The following GCN1 variants were observed in gnomAD, a reference collection of about 807,000 sequenced individuals.
The protein encoded by GCN1 is stalled ribosome sensor GCN1.
A neutral mutation model predicts 288.4 loss-of-function variants in GCN1; 90 were observed. The ratio of observed to expected loss-of-function variants is 0.31; its 90% CI spans 0.26 to 0.37. The LOEUF is 0.37. Among genes scored for constraint, GCN1 ranks in the 10% least tolerant of loss-of-function variants. GCN1 has a pLI of 1.00. For missense variants in GCN1, 2,586 were observed against 3,419.9 expected, an observed-to-expected ratio of 0.76 and a Z score of 6.08; for synonymous variants, 1,386 against 1,420.2, an observed-to-expected ratio of 0.98 and a Z score of 0.54.
Position 120,184,176 on chromosome 12 carries a change from T to C in GCN1, c.253A>G (p.Thr85Ala). The change falls in exon 4 of 58, where the codon ACT becomes GCT. Residue 85 changes from threonine (T) to alanine (A), a missense_variant. By Grantham distance (58) the Thr-to-Ala change is moderately conservative. Transcript: ENST00000300648. ...QQLAEAQPEATAKNLLHSLQS... is the reference protein window; with the variant it reads ...QQLAEAQPEAAAKNLLHSLQS... ...AGAGAGTGTAGAAGGTTCTTAGCAG[T>C]GGCTTCTGGCTGGGCCTCAGCCAAC... 1 of 1,613,676 alleles carries C rather than the reference T, an allele frequency of 6.2e-7. No homozygotes were observed. The highest frequency in any genetic ancestry group is 8.5e-7 in the Non-Finnish European group (1 of 1,179,594).
Position 120,131,180 on chromosome 12 carries a change from C to A in GCN1, c.7563+5G>T, listed in dbSNP as rs1350785128. On this transcript the variant is annotated splice_donor_5th_base_variant and intron_variant, in intron 55 of 57. Coordinates refer to ENST00000300648, the MANE Select transcript of GCN1 (RefSeq NM_006836.2). ...TGCCTATGGGATATGGCCCGAATGCCTTACCCTGTCCGCCGTGGCACTGCT... is the reference window on the plus strand; with the variant it reads ...TGCCTATGGGATATGGCCCGAATGCATTACCCTGTCCGCCGTGGCACTGCT... 1 of 1,614,018 alleles carries A rather than the reference C, an allele frequency of 6.2e-7. No individual in the cohort carries two copies. The highest frequency in any genetic ancestry group is 8.5e-7 in the Non-Finnish European group (1 of 1,179,868).
intron 51 of GCN1, among the ~76,000 whole-genome samples, chr12:120,135,802 T>C (rs1203269435): frequency 6.6e-6 from 1 of 152,036 alleles, no homozygotes; most frequent in East Asian, 1.9e-4. Flanking sequence ...AAATCTGAGC[T>C]GTGCGAGGTC....
Position 120,177,571 on chromosome 12 carries a change from A to G in GCN1, c.730-16T>C, listed in dbSNP as rs1420474041. On this transcript the variant is annotated splice_polypyrimidine_tract_variant and intron_variant, in intron 8 of 57. Coordinates refer to ENST00000300648, the MANE Select transcript of GCN1 (RefSeq NM_006836.2). ...CACAGCTATCCTACAAAGAAAAAGG[A>G]ATAAGGCACCTAGCCCTCATGGGAA... is the stretch of plus-strand genomic sequence containing the variant. 1.3e-6 allele frequency: 2 copies of G among 1,575,162 alleles called. No individual in the cohort carries two copies. Among genetic ancestry groups the G allele is most frequent in the Non-Finnish European group, 1.7e-6 (2 of 1,144,618 alleles).
At position 120,183,691 on chromosome 12, in the gene GCN1, T is replaced by A. The variant is rs770407627; in HGVS notation, c.318-14A>T. 1 of 1,522,872 alleles carries A rather than the reference T, an allele frequency of 6.6e-7. No individual in the cohort carries two copies. The highest frequency in any genetic ancestry group is 1.1e-5 in the South Asian group (1 of 89,196). The allele number at this position is 1,522,872 out of a possible 1,614,324, so 94.3% of individuals were successfully genotyped here. ...CCACTGCTCTTACTGCAGAGCAGAG[T>A]TGGGGATGAGTTCAGAGCAGCAGCC... On this transcript the variant is annotated splice_polypyrimidine_tract_variant and intron_variant, in intron 4 of 57. Coordinates refer to ENST00000300648, the MANE Select transcript of GCN1 (RefSeq NM_006836.2).
chr12:120,170,829 G>C (rs1878290319), intron 14 of GCN1, among the ~76,000 whole-genome samples: 1 of 151,328 alleles, frequency 6.6e-6, no homozygotes, highest in African/African-American at 2.4e-5. Flanking sequence ...TTCTAAATTT[G>C]GGTCCAAATC....
At chr12:120,147,294 A>G (rs770160476) in intron 37 of GCN1, 22 bp from the exon 38 acceptor site, 1 of 1,446,312 alleles carries the variant, frequency 6.9e-7, no homozygotes, top group Non-Finnish European at 9.6e-7. Context: ...AAGAGAAGAG[A>G]GCTGGATGAT....
rs1256359337 is a variant in GCN1 at position 120,164,670 on chromosome 12, T to C, written c.1664A>G (p.His555Arg). The change falls in exon 17 of 58, where the codon CAT (histidine) becomes CGT (arginine). Residue 555 changes from histidine to arginine, a missense_variant. Physicochemically the swap from His to Arg is conservative, Grantham distance 29. Transcript: ENST00000300648. ...LTERLFLDHPHRLTGNKVQQY... is the reference protein window; with the variant it reads ...LTERLFLDHPRRLTGNKVQQY... ...CTGAACTTTGTTGCCAGTGAGTCTA[T>C]GCGGGTGGTCAAGGAAAAGTCTCTC... 1 of 1,613,784 alleles carries C rather than the reference T, an allele frequency of 6.2e-7. No homozygotes were observed. The highest frequency in any genetic ancestry group is 8.5e-7 in the Non-Finnish European group (1 of 1,179,732).
intron 35 of GCN1, 36 bp from the exon 36 acceptor site, chr12:120,149,756 C>T: frequency 1.3e-6 from 2 of 1,578,444 alleles, no homozygotes; most frequent in South Asian, 1.1e-5. Context: ...GGGGCCTCCT[C>T]ACCCAAGCAA....
intron 36 of GCN1, among the ~76,000 whole-genome samples, chr12:120,149,097 T>TG (rs11407805): frequency 0.21 from 31,106 of 150,944 alleles, 3,853 homozygotes; most frequent in East Asian, 0.55. Context: ...AGAGCTTTCC[T>TG]GGGGGGGGAA....
At position 120,144,870 on chromosome 12, in the gene GCN1, G is replaced by T; in HGVS notation, c.5156-35C>A. 1 of 1,613,902 alleles carries T rather than the reference G, an allele frequency of 6.2e-7. No individual in the cohort carries two copies. Among genetic ancestry groups the T allele is most frequent in the Non-Finnish European group, 8.5e-7 (1 of 1,179,764 alleles). On this transcript the variant is annotated intron_variant, in intron 40 of 57. Transcript: ENST00000300648. The surrounding 1 kb of genome is among the most constrained non-coding windows in gnomAD (Gnocchi z 4.7). The stretch of plus-strand genomic sequence containing the variant: ...AGGACAGAATGAGTCCACTGGATCT[G>T]AGGGCCCCTTAGAGCATTCCCAGGC...
chr12:120,131,812 A>C, intron 54 of GCN1, 114 bp downstream of exon 54: 7 of 682,584 alleles, frequency 1.0e-5, no homozygotes, highest in Admixed American at 2.2e-5. Context: ...TTCCCAAGGA[A>C]AGGACAGTCC....
chr12:120,140,483 C>A (rs1419134816), intron 45 of GCN1, among the ~76,000 whole-genome samples: 2 of 152,210 alleles, frequency 1.3e-5, no homozygotes, highest in East Asian at 1.9e-4. Flanking sequence ...TCCTGCCCTA[C>A]CCACTCACAC....
Position 120,144,459 on chromosome 12 carries a change from A to G in GCN1, c.5353-11T>C. ...CTCATCAGCAAGAGCCTGGGCACAC[A>G]GAGGGTGGGTCAGCCAGAGCTGCCA... is the stretch of plus-strand genomic sequence containing the variant. On this transcript the variant is annotated splice_polypyrimidine_tract_variant and intron_variant, in intron 41 of 57. Coordinates refer to ENST00000300648, the MANE Select transcript of GCN1 (RefSeq NM_006836.2). The surrounding 1 kb of genome is among the most constrained non-coding windows in gnomAD (Gnocchi z 4.7). 1.2e-6 allele frequency: 2 copies of G among 1,609,966 alleles called. No homozygotes were observed. The highest frequency in any genetic ancestry group is 1.7e-6 in the Non-Finnish European group (2 of 1,177,102).
chr12:120,185,548 T>G (rs1181962237), intron 2 of GCN1, among the ~76,000 whole-genome samples: 2 of 152,196 alleles, frequency 1.3e-5, no homozygotes, highest in African/African-American at 4.8e-5. Context: ...TCTAGATCAT[T>G]CATACACATT....
chr12:120,154,739 C>T (rs1340517527), intron 31 of GCN1, among the ~76,000 whole-genome samples: 1 of 152,226 alleles, frequency 6.6e-6, no homozygotes, highest in African/African-American at 2.4e-5. Context: ...ACATCTTGGA[C>T]AGTACAGCCT....
chr12:120,175,205 T>C lies in GCN1; in HGVS notation c.1050A>G (p.Glu350=). 1 of 1,612,834 alleles carries C rather than the reference T, an allele frequency of 6.2e-7. No individual in the cohort carries two copies. Among genetic ancestry groups the C allele is most frequent in the Non-Finnish European group, 8.5e-7 (1 of 1,179,380 alleles). ...TCTGGGCTACAACAGTTAGTTTTCC[T>C]TCCGAGCCTGAGAAGAGAGACAGCA... is the stretch of plus-strand genomic sequence containing the variant. ...KHLFAILGGS[E]GKLTVVAQKM... is the part of the protein sequence containing the mutation. Residue 350 remains glutamate (E), a synonymous_variant, in exon 12 of 58, where the codon GAA becomes GAG. Transcript: ENST00000300648.
intron 9 of GCN1, among the ~76,000 whole-genome samples, chr12:120,177,034 G>T (rs552388109): frequency 6.6e-6 from 1 of 152,042 alleles, no homozygotes; most frequent in African/African-American, 2.4e-5. Context: ...CCAAACTGCC[G>T]GGATTACAGG....
rs549956086 is a variant in GCN1 at position 120,137,099 on chromosome 12, C to G, written c.6777+107G>C. ...CGAAGGTGCTGAACACCAACCACCACGGCTACTGCTCCAGCAGCCCCTACC... is the reference window on the plus strand; with the variant it reads ...CGAAGGTGCTGAACACCAACCACCAGGGCTACTGCTCCAGCAGCCCCTACC... On this transcript the variant is annotated intron_variant, in intron 50 of 57. Transcript: ENST00000300648. This position sits in a 1 kb window ranked among gnomAD's most constrained non-coding sequence, Gnocchi z 5.2. The G allele has an allele frequency of 5.1e-6, 4 of 784,544 alleles. No homozygotes were observed. The Admixed American group carries it at 7.6e-5, about 15-fold the overall frequency. The allele number at this position is 784,544 out of a possible 1,614,324, so 48.6% of individuals were successfully genotyped here. A position where few individuals can be genotyped will look rare whatever the true frequency, so the allele number is the denominator to read the frequency against.
At chr12:120,173,128 C>T (rs1878363067) in intron 14 of GCN1, among the ~76,000 whole-genome samples, 1 of 149,752 alleles carries the variant, frequency 6.7e-6, no homozygotes, top group Non-Finnish European at 1.5e-5. Flanking sequence ...GGCGCAATCT[C>T]GGCTCACTGC....
Sources: gnomAD v4.1 joint callset for allele counts (sites outside exome capture counted in the v4.1 genomes callset) on GRCh38, gnomAD v4.1.1 for gene constraint, Gnocchi (gnomAD v3.1) non-coding constraint, MANE v1.5 for transcripts, NCBI Gene and HGNC (gene_info 2026-07-23, HGNC 2026-07-21) for gene names.